The following AUTS2 variants were observed in gnomAD, a reference collection of about 807,000 sequenced individuals.
AUTS2 encodes the protein autism susceptibility gene 2 protein.
A neutral mutation model predicts 112.4 loss-of-function variants in AUTS2; 17 were observed. The ratio of observed to expected loss-of-function variants is 0.15; its 90% CI spans 0.10 to 0.23. The LOEUF is 0.23. Among genes scored for constraint, AUTS2 ranks in the 10% least tolerant of loss-of-function variants. The pLI is 1.00. For missense variants in AUTS2, 1,510 were observed against 1,701.6 expected (o/e 0.89, Z 1.98); for synonymous variants, 751 against 702.7 (o/e 1.07, Z -1.09).
At chr7:70,411,355 T>A (rs1452976002) in intron 4 of AUTS2, among the ~76,000 whole-genome samples, 1 of 152,072 alleles carries the variant, frequency 6.6e-6, no homozygotes, top group African/African-American at 2.4e-5. Context: ...CAAATCACCA[T>A]TGAACTTCAA....
intron 5 of AUTS2, among the ~76,000 whole-genome samples, chr7:70,554,393 C>CT (rs34757734): frequency 0.08 from 9,286 of 115,972 alleles, 725 homozygotes; most frequent in African/African-American, 0.19. Flanking sequence ...TCTTTTCTTT[C>CT]TTTTTTTTTT....
intron 1 of AUTS2, among the ~76,000 whole-genome samples, chr7:69,890,883 G>A (rs1026330862): frequency 1.3e-5 from 2 of 152,174 alleles, no homozygotes; most frequent in African/African-American, 4.8e-5. Flanking sequence ...TAAAAGATGA[G>A]TTTCTTTTAA....
chr7:70,127,066 A>G (rs539512115), intron 3 of AUTS2, among the ~76,000 whole-genome samples: 100 of 152,052 alleles, frequency 6.6e-4, no homozygotes, highest in Non-Finnish European at 1.3e-3. Context: ...ACCTCAGGCA[A>G]TCCACCCTCC....
intron 1 of AUTS2, among the ~76,000 whole-genome samples, chr7:69,700,483 G>A (rs2129187501): frequency 6.6e-6 from 1 of 152,028 alleles, no homozygotes; most frequent in Non-Finnish European, 1.5e-5. Flanking sequence ...GGAATTCTGT[G>A]GCTTGTCATA....
chr7:70,054,860 T>C (rs554113696), intron 2 of AUTS2, among the ~76,000 whole-genome samples: 2 of 152,116 alleles, frequency 1.3e-5, no homozygotes, highest in Admixed American at 6.5e-5. Flanking sequence ...TCCTCTCCAG[T>C]CTTTCTTCTA....
intron 1 of AUTS2, among the ~76,000 whole-genome samples, chr7:69,709,825 A>T (rs1385913888): frequency 6.6e-6 from 1 of 152,054 alleles, no homozygotes; most frequent in Admixed American, 6.5e-5. Context: ...TTCTCAGATA[A>T]CTCTTGCTAC....
chr7:70,659,438 C>T (rs994505679), intron 5 of AUTS2, among the ~76,000 whole-genome samples: 13 of 152,168 alleles, frequency 8.5e-5, no homozygotes, highest in African/African-American at 2.9e-4. Context: ...AGCCACTGTC[C>T]CGCAGCCTCA....
intron 5 of AUTS2, among the ~76,000 whole-genome samples, chr7:70,690,073 C>T (rs1420490538): frequency 1.3e-5 from 2 of 152,102 alleles, no homozygotes; most frequent in Non-Finnish European, 2.9e-5. Flanking sequence ...GATGAAGGCC[C>T]CAAGAGGTGT....
intron 1 of AUTS2, among the ~76,000 whole-genome samples, chr7:69,667,805 G>C (rs1796138081): frequency 6.6e-6 from 1 of 152,078 alleles, no homozygotes; most frequent in Non-Finnish European, 1.5e-5. Context: ...ATTACCATTG[G>C]GATAAACCTC....
chr7:70,599,567 A>G (rs1563067194), intron 5 of AUTS2, among the ~76,000 whole-genome samples: 1 of 152,200 alleles, frequency 6.6e-6, no homozygotes, highest in Admixed American at 6.5e-5. Flanking sequence ...CAGGTTCCCC[A>G]GATTTCTCAT....
chr7:70,173,662 C>T (rs193233946), intron 4 of AUTS2, among the ~76,000 whole-genome samples: 4 of 152,088 alleles, frequency 2.6e-5, no homozygotes, highest in African/African-American at 9.7e-5. Context: ...CTGTCAGCAC[C>T]GTTTTTCCAA....
chr7:70,277,267 G>C (rs28617759), intron 4 of AUTS2, among the ~76,000 whole-genome samples: 1 of 152,070 alleles, frequency 6.6e-6, no homozygotes, highest in Admixed American at 6.6e-5. Context: ...AGAGCCTCTT[G>C]AGCATTTCTC....
At chr7:70,102,777 T>G (rs1804568919) in intron 2 of AUTS2, among the ~76,000 whole-genome samples, 1 of 152,136 alleles carries the variant, frequency 6.6e-6, no homozygotes, top group African/African-American at 2.4e-5. Context: ...TAATCCAAAT[T>G]TCTTTAAGAT....
intron 1 of AUTS2, among the ~76,000 whole-genome samples, chr7:69,792,422 G>T (rs1276826271): frequency 6.6e-6 from 1 of 151,906 alleles, no homozygotes; most frequent in Non-Finnish European, 1.5e-5. Context: ...TGTATTTTTA[G>T]TAGAGACGGG....
chr7:70,397,157 A>G (rs979205936), intron 4 of AUTS2, among the ~76,000 whole-genome samples: 19 of 151,396 alleles, frequency 1.3e-4, no homozygotes, highest in African/African-American at 4.6e-4. Flanking sequence ...TTCACCTCCC[A>G]GGTTCAAGCG....
At chr7:69,963,299 A>G (rs1797503762) in intron 2 of AUTS2, among the ~76,000 whole-genome samples, 2 of 152,010 alleles carry the variant, frequency 1.3e-5, no homozygotes, top group South Asian at 4.1e-4. Flanking sequence ...AGAAAACATT[A>G]AAGATAAATT....
chr7:70,275,230 A>G (rs908037598), intron 4 of AUTS2, among the ~76,000 whole-genome samples: 1 of 152,204 alleles, frequency 6.6e-6, no homozygotes, highest in Non-Finnish European at 1.5e-5. Flanking sequence ...AAAAAGGATG[A>G]TAATTCTGAC....
intron 1 of AUTS2, among the ~76,000 whole-genome samples, chr7:69,894,333 G>T (rs1794657486): frequency 8.2e-6 from 1 of 121,876 alleles, no homozygotes; most frequent in Non-Finnish European, 1.6e-5. Flanking sequence ...TAGTGCTTGT[G>T]TAAGGGAGGC....
At chr7:70,505,131 C>G (rs149470204) in intron 5 of AUTS2, among the ~76,000 whole-genome samples, 2 of 152,194 alleles carry the variant, frequency 1.3e-5, no homozygotes, top group Non-Finnish European at 2.9e-5. Flanking sequence ...CCTGAGCCTC[C>G]ATCCACTCAG....
Sources: allele counts gnomAD v4.1 joint callset (sites outside exome capture counted in the v4.1 genomes callset), GRCh38; gene constraint gnomAD v4.1.1; transcripts MANE v1.5; gene names NCBI Gene and HGNC (gene_info 2026-07-23, HGNC 2026-07-21).